Variants in ARSG observed in about 807,000 individuals in gnomAD.
ARSG encodes ASG.
In ARSG, 37 loss-of-function variants were observed where a neutral mutation model predicts 50.5. That is an observed-to-expected ratio of 0.73 (90% CI 0.56 to 0.96). The LOEUF (loss-of-function observed/expected upper bound fraction) is 0.96. ARSG is among the 50% of genes least tolerant of loss of function. ARSG has a pLI of 0.00. For synonymous variants in ARSG, 225 were observed against 254.6 expected, an observed-to-expected ratio of 0.88 and a Z score of 1.11; for missense variants, 629 against 675.3, an observed-to-expected ratio of 0.93 and a Z score of 0.76.
At position 68,351,493 on chromosome 17, in the gene ARSG, T is replaced by C. The variant is rs975348799; in HGVS notation, c.455-82T>C. ...ACTGCAGTATTAAATCATAGGAAATTACATTTTTGTCGTGGGTGTACAAAG... is the reference window on the plus strand; with the variant it reads ...ACTGCAGTATTAAATCATAGGAAATCACATTTTTGTCGTGGGTGTACAAAG... On this transcript the variant is annotated intron_variant, in intron 4 of 11. Coordinates refer to ENST00000621439, the MANE Select transcript of ARSG (RefSeq NM_001267727.2). 106 of 761,934 alleles carry C rather than the reference T, an allele frequency of 1.4e-4. No homozygotes were observed. The African/African-American group carries it at 1.5e-3, about 11-fold the overall frequency. The allele number at this position is 761,934 out of a possible 1,614,324, so 47.2% of individuals were successfully genotyped here. A position where few individuals can be genotyped will look rare whatever the true frequency, so the allele number is the denominator to read the frequency against.
At chr17:68,424,306 C>G (rs2083003156), downstream of ARSG, 3 of 419,264 alleles carry the variant, frequency 7.2e-6, no homozygotes, top group Admixed American at 3.1e-5. Context: ...ACCCGCAGAG[C>G]CGATGTGGGA....
intron 2 of ARSG, among the ~76,000 whole-genome samples, chr17:68,313,338 G>A (rs2076939686): frequency 6.6e-6 from 1 of 152,108 alleles, no homozygotes. Context: ...CAAAATCAAG[G>A]TTATGACTGA....
chr17:68,323,270 T>A (rs2077367270), intron 2 of ARSG, among the ~76,000 whole-genome samples: 1 of 152,148 alleles, frequency 6.6e-6, no homozygotes, highest in African/African-American at 2.4e-5. Flanking sequence ...GTTCAGATAG[T>A]TTGAGTCACT....
downstream of ARSG, chr17:68,426,213 G>A (rs2083165676): frequency 1.5e-6 from 2 of 1,293,484 alleles, no homozygotes; most frequent in Non-Finnish European, 2.2e-6. Flanking sequence ...AAGCACTGGG[G>A]ATCTGCTTTT....
At chr17:68,425,309 T>G (rs528648128), downstream of ARSG, among the ~76,000 whole-genome samples, 28 of 151,790 alleles carry the variant, frequency 1.8e-4, no homozygotes, top group South Asian at 8.3e-4. Flanking sequence ...GCTCAGGTGA[T>G]CCTCCCATCT....
chr17:68,417,732 A>ATTTTT (rs1228418754), intron 11 of ARSG, among the ~76,000 whole-genome samples: 13 of 63,186 alleles, frequency 2.1e-4, no homozygotes, highest in Non-Finnish European at 3.7e-4. Context: ...AGAGTTGCTG[A>ATTTTT]ATTTTTTTTT....
At chr17:68,270,058 C>T (rs1469769362) in intron 1 of ARSG, among the ~76,000 whole-genome samples, 1 of 152,126 alleles carries the variant, frequency 6.6e-6, no homozygotes, top group African/African-American at 2.4e-5. Flanking sequence ...ATGAAACATA[C>T]CTATGTCCCT....
chr17:68,334,011 C>T (rs1185252786), intron 2 of ARSG, among the ~76,000 whole-genome samples: 2 of 152,150 alleles, frequency 1.3e-5, no homozygotes, highest in African/African-American at 4.8e-5. Context: ...CTTCTAGCCT[C>T]CAGGAGACTG....
intron 9 of ARSG, among the ~76,000 whole-genome samples, chr17:68,388,031 AC>A (rs1336932496): frequency 3.3e-5 from 5 of 152,294 alleles, no homozygotes; most frequent in African/African-American, 1.2e-4. Flanking sequence ...AGACACAAGT[AC>A]AGGATGGGGA....
chr17:68,343,582 G>T, intron 2 of ARSG, 22 bp from the exon 3 acceptor site: 2 of 1,590,248 alleles, frequency 1.3e-6, no homozygotes, highest in South Asian at 1.1e-5. Flanking sequence ...GTGCGGTCCT[G>T]ACCACTGTCC....
intron 2 of ARSG, among the ~76,000 whole-genome samples, chr17:68,337,681 G>A (rs148156602): frequency 9.9e-5 from 15 of 152,090 alleles, no homozygotes; most frequent in South Asian, 6.2e-4. Context: ...GCAATGGCAC[G>A]GTCTCAGCTC....
intron 1 of ARSG, among the ~76,000 whole-genome samples, chr17:68,270,369 C>A (rs2075296331): frequency 6.6e-6 from 1 of 152,080 alleles, no homozygotes; most frequent in African/African-American, 2.4e-5. Context: ...TCCTGGCCAA[C>A]ATGGTGAAAC....
chr17:68,394,526 A>G (rs1294595870), intron 9 of ARSG, among the ~76,000 whole-genome samples: 2 of 152,110 alleles, frequency 1.3e-5, no homozygotes, highest in African/African-American at 4.8e-5. Flanking sequence ...AGTCCCAGCT[A>G]CTCTTGGAGT....
the ARSG span, among the ~76,000 whole-genome samples, chr17:68,429,674 C>T: frequency 4.1e-4 from 63 of 152,186 alleles, no homozygotes; most frequent in Non-Finnish European, 6.3e-4. Context: ...CTGCAACCTC[C>T]GCCTCCTGGG....
intron 1 of ARSG, among the ~76,000 whole-genome samples, chr17:68,275,982 CAA>C (rs1193683472): frequency 8.6e-6 from 1 of 116,472 alleles, no homozygotes. Context: ...GACTCCGTCT[CAA>C]AAAAAAAAAA....
At chr17:68,426,247 A>T (rs3744304), downstream of ARSG, 496 of 667,914 alleles carry the variant, frequency 7.4e-4, 2 homozygotes, top group East Asian at 1.3e-3. Context: ...GCGGGTGGGG[A>T]GCGGGGGCTC....
At chr17:68,403,618 A>T (rs1337762042) in intron 11 of ARSG, among the ~76,000 whole-genome samples, 1 of 152,232 alleles carries the variant, frequency 6.6e-6, no homozygotes, top group Non-Finnish European at 1.5e-5. Flanking sequence ...TGAGGATATG[A>T]TGTTATGGTC....
At chr17:68,401,114 C>G (rs756586018) in intron 10 of ARSG, 149 of 486,108 alleles carry the variant, frequency 3.1e-4, no homozygotes, top group Non-Finnish European at 4.7e-4. Flanking sequence ...GCGTTGACCT[C>G]CCAGGCTCAA....
the ARSG span, among the ~76,000 whole-genome samples, chr17:68,427,996 T>TC: frequency 6.6e-6 from 1 of 152,184 alleles, no homozygotes; most frequent in South Asian, 2.1e-4. Flanking sequence ...GCTCAGGTGA[T>TC]CCCCCCACCT....
Sources: gnomAD v4.1 joint callset for allele counts (sites outside exome capture counted in the v4.1 genomes callset) on GRCh38, gnomAD v4.1.1 for gene constraint, MANE v1.5 for transcripts, NCBI Gene and HGNC (gene_info 2026-07-23, HGNC 2026-07-21) for gene names.